Variants in TMEM131 observed in about 807,000 individuals in gnomAD.
TMEM131 encodes the protein 2610524E03Rik.
A neutral mutation model predicts 211.6 loss-of-function variants in TMEM131; 66 were observed. That is an observed-to-expected ratio of 0.31 (90% CI 0.26 to 0.38). The LOEUF (loss-of-function observed/expected upper bound fraction) is 0.38, where lower values mean the gene tolerates loss of function less well. Ranked by LOEUF, TMEM131 falls within the 10% of genes least tolerant of loss-of-function variation. The probability of loss-of-function intolerance (pLI) is 1.00; values close to 1 mark genes in which losing one functional copy is unlikely to be tolerated. For synonymous variants in TMEM131, 844 were observed against 841.3 expected (o/e 1.00, Z -0.06); for missense variants, 2,036 against 2,299.3 (o/e 0.89, Z 2.34).
rs575812423 is a variant in TMEM131 at position 97,890,009 on chromosome 2, C to T, written c.291-1889G>A. 3.9e-5 allele frequency among the ~76,000 whole-genome samples: 6 copies of T among 152,170 alleles called. No individual in the cohort carries two copies. The South Asian group carries it at 8.3e-4, about 21-fold the overall frequency. On this transcript the variant is annotated intron_variant, in intron 3 of 40. Coordinates refer to ENST00000186436, the MANE Select transcript of TMEM131 (RefSeq NM_015348.2). ...AGGGACACTGCTGCCAAGACCTGAA[C>T]GACAGAGATCTAGGGGAAGAAAGTA... is the stretch of plus-strand genomic sequence containing the variant.
At chr2:97,802,868 T>G in intron 22 of TMEM131, 78 bp from the exon 23 acceptor site, 1 of 1,288,160 alleles carries the variant, frequency 7.8e-7, no homozygotes, top group Non-Finnish European at 1.0e-6. Flanking sequence ...CAATTAGGCT[T>G]ATGTACTTGA....
chr2:97,835,415 A>C (rs1682893626), intron 8 of TMEM131, among the ~76,000 whole-genome samples: 1 of 152,240 alleles, frequency 6.6e-6, no homozygotes, highest in Non-Finnish European at 1.5e-5. Context: ...AACAATGCAA[A>C]GCTTCTCAAG....
At chr2:97,961,240 TAAAA>T (rs933693935) in intron 1 of TMEM131, among the ~76,000 whole-genome samples, 2 of 151,366 alleles carry the variant, frequency 1.3e-5, no homozygotes, top group Admixed American at 6.6e-5. Context: ...AATTGAAAAA[TAAAA>T]TAAAATATAA....
chr2:97,770,379 T>G (rs1246494686), intron 33 of TMEM131, among the ~76,000 whole-genome samples: 2 of 152,242 alleles, frequency 1.3e-5, no homozygotes, highest in African/African-American at 4.8e-5. Flanking sequence ...AGGTTGCATA[T>G]AGATTTCTCC....
intron 31 of TMEM131, among the ~76,000 whole-genome samples, chr2:97,789,788 G>T (rs930742120): frequency 1.3e-5 from 2 of 152,184 alleles, no homozygotes; most frequent in Admixed American, 6.5e-5. Flanking sequence ...AGTGTTAGAG[G>T]GGGGAGAAAC....
intron 3 of TMEM131, among the ~76,000 whole-genome samples, chr2:97,903,250 G>A (rs1055756690): frequency 3.3e-5 from 5 of 152,272 alleles, no homozygotes; most frequent in Middle Eastern, 3.4e-3. Context: ...CTGGGGACAC[G>A]TAAATGACAC....
chr2:97,945,563 T>G (rs1433573414), intron 1 of TMEM131, among the ~76,000 whole-genome samples: 1 of 152,160 alleles, frequency 6.6e-6, no homozygotes, highest in Non-Finnish European at 1.5e-5. Flanking sequence ...TTAAATATTG[T>G]GTAACCAGAG....
At chr2:97,971,794 C>T (rs1174065877) in intron 1 of TMEM131, among the ~76,000 whole-genome samples, 1 of 151,070 alleles carries the variant, frequency 6.6e-6, no homozygotes, top group Non-Finnish European at 1.5e-5. Context: ...CCCCAGAGGT[C>T]GAGGCTGCAG....
Position 97,766,560 on chromosome 2 carries a change from T to A in TMEM131, c.4491A>T (p.Gln1497His), listed in dbSNP as rs1457972148. 2.5e-6 allele frequency: 4 copies of A among 1,613,874 alleles called. No homozygotes were observed. The African/African-American group carries it at 4.0e-5, about 16-fold the overall frequency. ...LPYTPPLESK[Q>H]RRNLPSKIPL... is the part of the protein sequence containing the mutation. ...GAATCTTGCTTGGGAGATTTCTACG[T>A]TGCTTACTTTCCAAAGGGGGAGTAT... Residue 1497 changes from glutamine to histidine, a missense_variant, in exon 34 of 41, where the codon CAA (glutamine) becomes CAT (histidine). Transcript: ENST00000186436.
At chr2:97,784,275 T>C (rs1459660593) in intron 31 of TMEM131, among the ~76,000 whole-genome samples, 1 of 152,104 alleles carries the variant, frequency 6.6e-6, no homozygotes, top group Non-Finnish European at 1.5e-5. Context: ...ATACATTCTT[T>C]TCAAGTGCCC....
chr2:97,967,693 A>G (rs753965940), intron 1 of TMEM131, among the ~76,000 whole-genome samples: 1 of 152,192 alleles, frequency 6.6e-6, no homozygotes, highest in Non-Finnish European at 1.5e-5. Context: ...CCTCAAACCA[A>G]AAGTTTAACC....
intron 1 of TMEM131, among the ~76,000 whole-genome samples, chr2:97,932,371 T>C (rs1195360603): frequency 6.6e-6 from 1 of 152,182 alleles, no homozygotes; most frequent in African/African-American, 2.4e-5. Context: ...AAATGTAACA[T>C]ATACTTGTCT....
At chr2:97,981,028 CAAAAAAAAAAAAAAAAAA>C (rs57606185) in intron 1 of TMEM131, among the ~76,000 whole-genome samples, 1,593 of 37,978 alleles carry the variant, frequency 0.042, 21 homozygotes, top group African/African-American at 0.088. Flanking sequence ...AACTACACAC[CAAAAAAAAAAAAAAAAAA>C]AAAAAAAAAA....
At chr2:97,922,395 T>A (rs1156528946) in intron 2 of TMEM131, among the ~76,000 whole-genome samples, 1 of 152,030 alleles carries the variant, frequency 6.6e-6, no homozygotes, top group Admixed American at 6.5e-5. Context: ...CAGAAAAAAA[T>A]CATTTGAACA....
chr2:97,920,727 C>T (rs1273193432), intron 2 of TMEM131, among the ~76,000 whole-genome samples: 1 of 151,914 alleles, frequency 6.6e-6, no homozygotes, highest in South Asian at 2.1e-4. Context: ...TGACAAAAAG[C>T]GAACATTTTG....
chr2:97,769,879 A>G (rs761019130), intron 33 of TMEM131, among the ~76,000 whole-genome samples: 1 of 152,060 alleles, frequency 6.6e-6, no homozygotes, highest in Non-Finnish European at 1.5e-5. Context: ...GTTAGATCAG[A>G]TTTCTGTTGC....
At chr2:97,945,027 T>C (rs1417217752) in intron 1 of TMEM131, among the ~76,000 whole-genome samples, 1 of 152,230 alleles carries the variant, frequency 6.6e-6, no homozygotes, top group African/African-American at 2.4e-5. Context: ...ATAATAGCAT[T>C]GTTCAAATTC....
rs1371199797 is a variant in TMEM131 at position 97,833,387 on chromosome 2, C to T, written c.1052G>A (p.Gly351Glu). Residue 351 changes from glycine to glutamate, a missense_variant, in exon 11 of 41, where the codon GGA becomes GAA. Gly to Glu is a moderately conservative substitution (Grantham distance 98). Transcript: ENST00000186436. ...KVLNLHLLNS[G>E]TKDVPITSVR... Reference sequence around the variant, plus strand: ...TACTGTTATTGGTACATCTTTTGTTCCTGAATTTAATAAATGAAGGTTTAA... The same window carrying T: ...TACTGTTATTGGTACATCTTTTGTTTCTGAATTTAATAAATGAAGGTTTAA... The T allele has an allele frequency of 7.6e-7, 1 of 1,315,114 alleles. No individual in the cohort carries two copies. Among genetic ancestry groups the T allele is most frequent in the Non-Finnish European group, 1.1e-6 (1 of 939,756 alleles). 81.5% of individuals were successfully genotyped at this position (1,315,114 alleles called of 1,614,324 possible).
intron 3 of TMEM131, among the ~76,000 whole-genome samples, chr2:97,906,438 G>A (rs144455685): frequency 7.3e-4 from 111 of 152,274 alleles, no homozygotes; most frequent in African/African-American, 2.5e-3. Context: ...CAGTAGGTAC[G>A]GAGCTCTTTC....
Sources: allele counts gnomAD v4.1 joint callset (sites outside exome capture counted in the v4.1 genomes callset), GRCh38; gene constraint gnomAD v4.1.1; transcripts MANE v1.5; gene names NCBI Gene and HGNC (gene_info 2026-07-23, HGNC 2026-07-21).